The following PTPRN2 variants were observed in gnomAD, a reference collection of about 807,000 sequenced individuals.
PTPRN2 encodes protein tyrosine phosphatase receptor type N2, also known as receptor-type tyrosine-protein phosphatase N2.
Under a neutral mutation model 118.8 loss-of-function variants are expected in PTPRN2, and 74 were observed. The observed-to-expected ratio is 0.62, with a 90% confidence interval of 0.52 to 0.76. The LOEUF (loss-of-function observed/expected upper bound fraction) is 0.76. Ranked by LOEUF, PTPRN2 falls within the 30% of genes least tolerant of loss-of-function variation. The pLI, the probability that PTPRN2 is intolerant of heterozygous loss-of-function variation, is 0.00. For missense variants in PTPRN2, 1,481 were observed against 1,394.4 expected (o/e 1.06, Z -0.99); for synonymous variants, 641 against 608.0 (o/e 1.05, Z -0.80).
intron 10 of PTPRN2, among the ~76,000 whole-genome samples, chr7:158,110,158 T>G (rs1011932998): frequency 2.0e-5 from 3 of 152,352 alleles, no homozygotes; most frequent in Admixed American, 6.5e-5. Context: ...CTACCCTCCC[T>G]CTTCTCTCTG....
At position 157,618,817 on chromosome 7, in the gene PTPRN2, C is replaced by G. The variant is rs1401274570; in HGVS notation, c.2344+2545G>C. 6.6e-6 allele frequency: 1 copy of G among 152,040 alleles called. No individual in the cohort carries two copies. Among genetic ancestry groups the G allele is most frequent in the Non-Finnish European group, 1.5e-5 (1 of 67,948 alleles). 9.4% of individuals were successfully genotyped at this position (152,040 alleles called of 1,614,324 possible). A position where few individuals can be genotyped will look rare whatever the true frequency, so the allele number is the denominator to read the frequency against. ...AGGAGGTGAACTTGCCGTTCTCTGT[C>G]TTCCCTGGTGGCCTCTCAACCCTGA... On this transcript the variant is annotated intron_variant, in intron 15 of 22. Coordinates refer to ENST00000389418, the MANE Select transcript of PTPRN2 (RefSeq NM_002847.5). This position sits in a 1 kb window ranked among gnomAD's most constrained non-coding sequence, Gnocchi z 4.2.
chr7:158,472,025 CCCCACCACGGTTCCATT>C (rs1482022977), intron 2 of PTPRN2, among the ~76,000 whole-genome samples: 1 of 152,178 alleles, frequency 6.6e-6, no homozygotes, highest in Non-Finnish European at 1.5e-5. Flanking sequence ...ACGGTTCCTG[CCCCACCACGGTTCCATT>C]CCCACCACGG....
intron 11 of PTPRN2, among the ~76,000 whole-genome samples, chr7:158,012,224 A>G (rs1806097066): frequency 2.0e-5 from 3 of 152,162 alleles, no homozygotes; most frequent in Admixed American, 6.5e-5. Flanking sequence ...GTTTAAAACA[A>G]TCTGCTCAGT....
At chr7:157,966,408 TCGC>T (rs1237837093) in intron 11 of PTPRN2, among the ~76,000 whole-genome samples, 2 of 151,972 alleles carry the variant, frequency 1.3e-5, no homozygotes, top group African/African-American at 2.4e-5. Context: ...ATCACCATCA[TCGC>T]CATCTTTATC....
intron 2 of PTPRN2, among the ~76,000 whole-genome samples, chr7:158,334,960 T>G (rs1209902820): frequency 7.9e-5 from 1 of 12,630 alleles, no homozygotes; most frequent in African/African-American, 1.9e-4. Flanking sequence ...ACACCCACAC[T>G]CTCACCATAA....
chr7:158,448,814 G>T (rs1563307599), intron 2 of PTPRN2, among the ~76,000 whole-genome samples: 1 of 152,216 alleles, frequency 6.6e-6, no homozygotes, highest in Non-Finnish European at 1.5e-5. Context: ...GACTGTCCAG[G>T]TGCTCCAGCC....
At chr7:158,085,485 A>T in intron 10 of PTPRN2, among the ~76,000 whole-genome samples, 1 of 85,314 alleles carries the variant, frequency 1.2e-5, no homozygotes, top group Non-Finnish European at 2.2e-5. Flanking sequence ...ATCCACACCC[A>T]CGACGCCCAT....
Position 157,800,447 on chromosome 7 carries a change from C to G in PTPRN2, c.1788+98226G>C, listed in dbSNP as rs1805195318. ...CCAGCTCCTACAACAGTGTCTGGCC[C>G]CTCAAAGCGACTCAACGACCCTCTG... is the stretch of plus-strand genomic sequence containing the variant. On this transcript the variant is annotated intron_variant, in intron 12 of 22. Transcript: ENST00000389418. 2.6e-5 allele frequency among the ~76,000 whole-genome samples: 4 copies of G among 152,274 alleles called. No homozygotes were observed. In the South Asian group the frequency reaches 8.3e-4, roughly 32 times the overall value.
At chr7:158,090,511 C>A (rs905654788) in intron 10 of PTPRN2, among the ~76,000 whole-genome samples, 3 of 152,286 alleles carry the variant, frequency 2.0e-5, no homozygotes. Flanking sequence ...CCATTTATTC[C>A]TGAGTTCTTT....
intron 11 of PTPRN2, among the ~76,000 whole-genome samples, chr7:158,012,037 T>C (rs886916714): frequency 1.3e-5 from 2 of 152,166 alleles, no homozygotes; most frequent in African/African-American, 4.8e-5. Context: ...CATCCTTTTC[T>C]GAATGTGGAT....
At chr7:158,337,168 G>A (rs1367135756) in intron 2 of PTPRN2, among the ~76,000 whole-genome samples, 1 of 151,982 alleles carries the variant, frequency 6.6e-6, no homozygotes, top group African/African-American at 2.4e-5. Context: ...GGTGACACCT[G>A]CAGACGTCAC....
intron 11 of PTPRN2, among the ~76,000 whole-genome samples, chr7:158,033,875 G>A (rs1807886315): frequency 6.7e-6 from 1 of 148,510 alleles, no homozygotes. Flanking sequence ...AATGCTCTGT[G>A]TGGCTGCACA....
chr7:158,176,007 C>T (rs1442613447), intron 5 of PTPRN2, among the ~76,000 whole-genome samples: 1 of 151,976 alleles, frequency 6.6e-6, no homozygotes, highest in Non-Finnish European at 1.5e-5. Context: ...GCCAGTGCTG[C>T]TCTCAGCCCG....
chr7:158,334,677 T>C (rs1805242793), intron 2 of PTPRN2, among the ~76,000 whole-genome samples: 2 of 72,576 alleles, frequency 2.8e-5, no homozygotes, highest in African/African-American at 9.6e-5. Flanking sequence ...CAGACGTCAC[T>C]CACACCCACA....
rs577506174 is a variant in PTPRN2, at chr7:158,438,697, AG to A, written c.163+51037del. Among the ~76,000 whole-genome samples, 183 of 152,332 alleles carry A rather than the reference AG, an allele frequency of 1.2e-3. No homozygotes were observed. The highest frequency in any genetic ancestry group is 4.1e-3 in the African/African-American group (172 of 41,574). On this transcript the variant is annotated intron_variant, in intron 2 of 22. Transcript: ENST00000389418. This position sits in a 1 kb window ranked among gnomAD's most constrained non-coding sequence, Gnocchi z 4.7. ...ATCGTGCTGTGTGAAAATACACTTT[AG>A]GCTGATGCCCAGCTGATTAGCATAT... is the stretch of plus-strand genomic sequence containing the variant.
chr7:157,669,331 G>A (rs1268000778), intron 13 of PTPRN2, among the ~76,000 whole-genome samples: 1 of 152,228 alleles, frequency 6.6e-6, no homozygotes, highest in Non-Finnish European at 1.5e-5. Flanking sequence ...CGCTGCTCTG[G>A]TGACACAGTC....
intron 10 of PTPRN2, among the ~76,000 whole-genome samples, chr7:158,103,496 G>C (rs886588134): frequency 6.6e-6 from 1 of 152,232 alleles, no homozygotes; most frequent in East Asian, 1.9e-4. Context: ...AGCGATGTCC[G>C]AGGCAGGGCC....
At chr7:158,280,819 G>C (rs1799373594) in intron 3 of PTPRN2, among the ~76,000 whole-genome samples, 1 of 152,250 alleles carries the variant, frequency 6.6e-6, no homozygotes, top group Admixed American at 6.5e-5. Flanking sequence ...GGTCTCCCGA[G>C]ACTGAAATGA....
chr7:158,518,813 C>T (rs1586849005), intron 1 of PTPRN2, among the ~76,000 whole-genome samples: 2 of 152,190 alleles, frequency 1.3e-5, no homozygotes, highest in South Asian at 4.2e-4. Flanking sequence ...GGCGAAACCC[C>T]GTCTCTATAA....
Sources: allele counts gnomAD v4.1 joint callset (sites outside exome capture counted in the v4.1 genomes callset), GRCh38; gene constraint gnomAD v4.1.1; non-coding constraint Gnocchi (gnomAD v3.1); transcripts MANE v1.5; gene names NCBI Gene and HGNC (gene_info 2026-07-23, HGNC 2026-07-21).